Variants in TENM4 observed in about 807,000 individuals in gnomAD.
The protein encoded by TENM4 is teneurin transmembrane protein 4.
In TENM4, 82 loss-of-function variants were observed where a neutral mutation model predicts 243.3. The observed-to-expected ratio is 0.34, with a 90% CI of 0.28 to 0.40. The LOEUF is 0.40. Ranked by LOEUF, TENM4 falls within the 10% of genes least tolerant of loss-of-function variation. TENM4 has a pLI of 1.00. For synonymous variants in TENM4, 1,412 were observed against 1,456.3 expected, an observed-to-expected ratio of 0.97 and a Z score of 0.69; for missense variants, 3,138 against 3,673.3, an observed-to-expected ratio of 0.85 and a Z score of 3.77.
chr11:79,270,545 A>C (rs944822458), intron 2 of TENM4, among the ~76,000 whole-genome samples: 1 of 151,900 alleles, frequency 6.6e-6, no homozygotes, highest in African/African-American at 2.4e-5. Flanking sequence ...GGGCCCTCCT[A>C]TCTCTCCCAT....
In TENM4 at chr11:79,032,364, G is replaced by A. The variant is rs569997356; in HGVS notation, c.493+32374C>T. Among the ~76,000 whole-genome samples the A allele has an allele frequency of 9.2e-5, 14 of 152,270 alleles. No homozygotes were observed. In the South Asian group the frequency reaches 2.9e-3, roughly 32 times the overall value. On this transcript the variant is annotated intron_variant, in intron 6 of 33. Coordinates refer to ENST00000278550, the MANE Select transcript of TENM4 (RefSeq NM_001098816.3). ...GTCCATAGGAGCCTCTTGTCCCCCT[G>A]CTTTATCTTACAGGTGAAGCAGCTG...
chr11:79,189,034 T>C (rs777954017), intron 3 of TENM4, among the ~76,000 whole-genome samples: 52 of 152,342 alleles, frequency 3.4e-4, no homozygotes, highest in Non-Finnish European at 7.1e-4. Flanking sequence ...TTAGGTGGGA[T>C]GCCTTTCTTG....
intron 6 of TENM4, among the ~76,000 whole-genome samples, chr11:79,057,336 A>G (rs1243149599): frequency 6.7e-6 from 1 of 150,368 alleles, no homozygotes; most frequent in East Asian, 1.9e-4. Flanking sequence ...CTGCTTTTCA[A>G]ACTAGCCACA....
intron 2 of TENM4, among the ~76,000 whole-genome samples, chr11:79,249,750 G>A (rs1855577860): frequency 6.6e-6 from 1 of 152,122 alleles, no homozygotes; most frequent in Non-Finnish European, 1.5e-5. Flanking sequence ...TGTGGCCTTG[G>A]GATTTATCTA....
At chr11:79,144,886 TC>T (rs1228736941) in intron 4 of TENM4, among the ~76,000 whole-genome samples, 2 of 152,038 alleles carry the variant, frequency 1.3e-5, no homozygotes, top group Non-Finnish European at 2.9e-5. Flanking sequence ...TTGATTACAG[TC>T]AACAATAATT....
intron 6 of TENM4, among the ~76,000 whole-genome samples, chr11:78,952,538 A>G (rs948655118): frequency 1.7e-4 from 26 of 152,242 alleles, no homozygotes; most frequent in African/African-American, 6.3e-4. Flanking sequence ...AAGGAGACAT[A>G]GTAGGAATGT....
intron 27 of TENM4, among the ~76,000 whole-genome samples, chr11:78,706,505 T>C (rs1254384275): frequency 6.6e-6 from 1 of 152,216 alleles, no homozygotes; most frequent in Admixed American, 6.5e-5. Context: ...CAGTGACACC[T>C]GCGCAAATGT....
chr11:78,928,624 G>A (rs965196788), intron 6 of TENM4, among the ~76,000 whole-genome samples: 6 of 152,196 alleles, frequency 3.9e-5, no homozygotes, highest in African/African-American at 1.4e-4. Context: ...TCTTCCATTT[G>A]CTAGCTGTGT....
At chr11:79,335,941 C>T (rs1384097602) in intron 1 of TENM4, among the ~76,000 whole-genome samples, 1 of 152,124 alleles carries the variant, frequency 6.6e-6, no homozygotes, top group Non-Finnish European at 1.5e-5. Flanking sequence ...TCAAGTGGGC[C>T]ATCTGGGACC....
intron 20 of TENM4, among the ~76,000 whole-genome samples, chr11:78,736,845 T>G (rs770461899): frequency 6.6e-6 from 1 of 152,160 alleles, no homozygotes; most frequent in Non-Finnish European, 1.5e-5. Flanking sequence ...GTTGCAGCAA[T>G]TCTGGCTACG....
chr11:78,764,945 C>T (rs963533098), intron 18 of TENM4, among the ~76,000 whole-genome samples: 3 of 148,086 alleles, frequency 2.0e-5, no homozygotes, highest in South Asian at 2.2e-4. Flanking sequence ...GGGGTGTGGG[C>T]GGGGGCAAGG....
chr11:79,058,863 A>G (rs1049407407), intron 6 of TENM4, among the ~76,000 whole-genome samples: 11 of 152,162 alleles, frequency 7.2e-5, no homozygotes, highest in Non-Finnish European at 1.3e-4. Flanking sequence ...AGTGGATGGG[A>G]CCTAACTTCC....
chr11:78,995,396 A>G (rs1858146958), intron 6 of TENM4, among the ~76,000 whole-genome samples: 1 of 152,176 alleles, frequency 6.6e-6, no homozygotes, highest in African/African-American at 2.4e-5. Flanking sequence ...TGTCCTTGAC[A>G]TCTCCCAGCT....
At chr11:78,880,601 T>C (rs1859409304) in intron 9 of TENM4, among the ~76,000 whole-genome samples, 1 of 151,598 alleles carries the variant, frequency 6.6e-6, no homozygotes, top group Non-Finnish European at 1.5e-5. Flanking sequence ...TATGAGTAAA[T>C]GTGGGTCCTT....
rs1273011065 is a variant in TENM4 at position 78,903,488 on chromosome 11, G to A, written c.529C>T (p.Arg177Trp). ...PGGLQNHARL[R>W]TPPPPLSHAH... ...TGCGAGAGCGGCGGCGGCGGCGTCCGGAGCCGCGCGTGGTTCTGCAGGCCG... is the reference window on the plus strand; with the variant it reads ...TGCGAGAGCGGCGGCGGCGGCGTCCAGAGCCGCGCGTGGTTCTGCAGGCCG... Residue 177 changes from arginine to tryptophan, a missense_variant, in exon 7 of 34, where the codon CGG becomes TGG. By Grantham distance (101) the Arg-to-Trp change is moderately radical (BLOSUM62 -3). This residue lies in a region of TENM4 where 671 missense variants were observed against 614.1 expected (regional missense o/e 1.09). Transcript: ENST00000278550. The A allele has an allele frequency of 3.2e-6, 5 of 1,547,230 alleles. No individual in the cohort carries two copies. The highest frequency in any genetic ancestry group is 4.4e-6 in the Non-Finnish European group (5 of 1,146,136).
chr11:78,934,849 C>T (rs1238122087), intron 6 of TENM4, among the ~76,000 whole-genome samples: 2 of 150,624 alleles, frequency 1.3e-5, no homozygotes, highest in African/African-American at 5.0e-5. Flanking sequence ...ACTAGACATA[C>T]TATATGCAAG....
intron 1 of TENM4, among the ~76,000 whole-genome samples, chr11:79,409,093 TGTGTGTGTGCGC>T (rs150039398): frequency 0.015 from 1,641 of 111,406 alleles, 30 homozygotes; most frequent in African/African-American, 0.049. Flanking sequence ...TGTGTGTGTG[TGTGTGTGTGCGC>T]GCGCGCGCGT....
chr11:79,218,596 C>T (rs979032811), intron 2 of TENM4, among the ~76,000 whole-genome samples: 2 of 152,296 alleles, frequency 1.3e-5, no homozygotes, highest in Admixed American at 1.3e-4. Context: ...GGTCCCTCCC[C>T]TCTTGAAGAA....
chr11:78,842,697 A>G (rs1012380684), intron 12 of TENM4, among the ~76,000 whole-genome samples: 2 of 152,240 alleles, frequency 1.3e-5, no homozygotes, highest in South Asian at 4.1e-4. Flanking sequence ...CATACATGAG[A>G]GAGGACATGG....
Sources: allele counts gnomAD v4.1 joint callset (sites outside exome capture counted in the v4.1 genomes callset), GRCh38; gene constraint gnomAD v4.1.1; regional missense constraint gnomAD v4.1.1; transcripts MANE v1.5; gene names NCBI Gene and HGNC (gene_info 2026-07-23, HGNC 2026-07-21).